Variants in KIAA0408 observed in about 807,000 individuals in gnomAD.
The protein encoded by KIAA0408 is uncharacterized protein KIAA0408.
A neutral mutation model predicts 60.9 loss-of-function variants in KIAA0408; 51 were observed. That is an observed-to-expected ratio of 0.84 (90% confidence interval 0.67 to 1.06). KIAA0408 has a LOEUF of 1.06. Among genes scored for constraint, KIAA0408 ranks in the 50% least tolerant of loss-of-function variants. The pLI is 0.00. For missense variants in KIAA0408, 787 were observed against 833.9 expected (o/e 0.94, Z 0.69); for synonymous variants, 304 against 282.4 (o/e 1.08, Z -0.77).
intron 1 of KIAA0408, among the ~76,000 whole-genome samples, chr6:127,458,953 TC>T (rs1397177766): frequency 6.6e-6 from 1 of 152,114 alleles, no homozygotes; most frequent in Admixed American, 6.6e-5. Flanking sequence ...AGTTGGGAAA[TC>T]CACCCTGAGC....
chr6:127,446,977 TTC>T lies in KIAA0408; in HGVS notation c.1340_1341del (p.Arg447AsnfsTer4). ...CAATTTCTATCTGTTCTAAATACAGTTCTGTTAAATTCATCAGTCTTTGCTGC... is the reference window on the plus strand; with the variant it reads ...CAATTTCTATCTGTTCTAAATACAGTTGTTAAATTCATCAGTCTTTGCTGC... ...KLAAKTDEFN[R>X]TVFRTDRNCQ... is the part of the protein sequence containing the mutation. On this transcript the variant is annotated frameshift_variant, in exon 5 of 6. Coordinates refer to ENST00000483725, the MANE Select transcript of KIAA0408 (RefSeq NM_014702.5). LOFTEE classifies it high-confidence loss of function. 2 of 1,614,028 alleles carry T rather than the reference TTC, an allele frequency of 1.2e-6. No individual in the cohort carries two copies. The highest frequency in any genetic ancestry group is 1.7e-6 in the Non-Finnish European group (2 of 1,179,996).
At chr6:127,448,364 G>C (rs1223663638) in intron 4 of KIAA0408, among the ~76,000 whole-genome samples, 1 of 152,146 alleles carries the variant, frequency 6.6e-6, no homozygotes, top group Non-Finnish European at 1.5e-5. Context: ...TGAGTACTTT[G>C]ATATGGATTA....
At chr6:127,458,161 C>T (rs1040499722) in intron 1 of KIAA0408, among the ~76,000 whole-genome samples, 2 of 152,134 alleles carry the variant, frequency 1.3e-5, no homozygotes, top group African/African-American at 4.8e-5. Context: ...AGGAATTCCC[C>T]AGCTTATAAC....
Position 127,438,699 on chromosome 6 carries a change from A to T in KIAA0408, c.*5410T>A, listed in dbSNP as rs184217345. On this transcript the variant is annotated 3_prime_UTR_variant, in exon 6 of 6. Transcript: ENST00000483725. ...TACTAAAGGCAATTGTAACACAATG[A>T]TATCTGTATATGTAAACATAGAAAA... The T allele has an allele frequency of 4.9e-4, 74 of 152,346 alleles. No homozygotes were observed. The highest frequency in any genetic ancestry group is 1.8e-3 in the African/African-American group (74 of 41,566). The allele number at this position is 152,346 out of a possible 1,614,324, so 9.4% of individuals were successfully genotyped here.
chr6:127,452,470 G>A (rs1304538420), intron 2 of KIAA0408, among the ~76,000 whole-genome samples: 1 of 152,108 alleles, frequency 6.6e-6, no homozygotes, highest in African/African-American at 2.4e-5. Flanking sequence ...GATGTTTAAA[G>A]CATATTTCAT....
In KIAA0408 at chr6:127,450,108, T is replaced by TTTTTTGTTGC; in HGVS notation, c.370_379dup (p.Lys127SerfsTer22). 1 of 1,614,132 alleles carries TTTTTTGTTGC rather than the reference T, an allele frequency of 6.2e-7. No homozygotes were observed. The highest frequency in any genetic ancestry group is 2.2e-5 in the East Asian group (1 of 44,882). On this transcript the variant is annotated frameshift_variant, in exon 3 of 6. Coordinates refer to ENST00000483725, the MANE Select transcript of KIAA0408 (RefSeq NM_014702.5). LOFTEE classifies it high-confidence loss of function. ...AGGATCCAAAAACCCTACTTTTGAT[T>TTTTTTGTTGC]TTTTTGTTGCTTTTTGTTCCTTACA...
intron 5 of KIAA0408, among the ~76,000 whole-genome samples, chr6:127,445,359 A>G (rs936279594): frequency 1.3e-5 from 2 of 152,190 alleles, no homozygotes; most frequent in African/African-American, 2.4e-5. Flanking sequence ...CTTTAGCTAT[A>G]GGACCTTGTG....
At position 127,441,724 on chromosome 6, in the gene KIAA0408, T is replaced by C. The variant is rs1443511310; in HGVS notation, c.*2385A>G. The C allele has an allele frequency of 6.6e-6, 1 of 152,214 alleles. No individual in the cohort carries two copies. The highest frequency in any genetic ancestry group is 2.4e-5 in the African/African-American group (1 of 41,454). 9.4% of individuals were successfully genotyped at this position (152,214 alleles called of 1,614,324 possible). On this transcript the variant is annotated 3_prime_UTR_variant, in exon 6 of 6. Transcript: ENST00000483725. Reference sequence around the variant, plus strand: ...CATCAAAAACTATTTTCAAGGATTATTTCCATTTACCTAATAGGTTTTTCC... The same window carrying C: ...CATCAAAAACTATTTTCAAGGATTACTTCCATTTACCTAATAGGTTTTTCC...
In KIAA0408 at chr6:127,446,443, C is replaced by A. The variant is rs940454879; in HGVS notation, c.1876G>T (p.Val626Leu). 1 of 1,612,510 alleles carries A rather than the reference C, an allele frequency of 6.2e-7. No homozygotes were observed. Among genetic ancestry groups the A allele is most frequent in the Non-Finnish European group, 8.5e-7 (1 of 1,178,666 alleles). ...TTTTTCGGATCTATTCCTTGCTTCACTTCCTGTCCCCCCCACACAGCTGTC... is the reference window on the plus strand; with the variant it reads ...TTTTTCGGATCTATTCCTTGCTTCAATTCCTGTCCCCCCCACACAGCTGTC... ...QKTAVWGGQE[V>L]KQGIDPKKIT... Residue 626 changes from valine to leucine, a missense_variant, in exon 5 of 6, where the codon GTG becomes TTG. By Grantham distance (32) the Val-to-Leu change is conservative. Around this residue, in one of 3 missense-constraint regions of KIAA0408, gnomAD observed 133 missense variants for 119.2 expected, o/e 1.12. Transcript: ENST00000483725.
At chr6:127,445,910 T>C (rs773401380) in intron 5 of KIAA0408, among the ~76,000 whole-genome samples, 17 of 152,162 alleles carry the variant, frequency 1.1e-4, no homozygotes, top group Non-Finnish European at 2.4e-4. Flanking sequence ...TTAGGCACTG[T>C]TTTAAATGAT....
intron 2 of KIAA0408, 168 bp from the exon 3 acceptor site, chr6:127,450,520 G>T (rs1773284492): frequency 8.7e-7 from 1 of 1,148,080 alleles, no homozygotes; most frequent in East Asian, 2.7e-5. Context: ...TGGATTAGCT[G>T]GAACAAGTTT....
intron 4 of KIAA0408, 27 bp from the exon 5 acceptor site, chr6:127,447,767 T>G: frequency 6.7e-7 from 1 of 1,484,036 alleles, no homozygotes; most frequent in Non-Finnish European, 8.9e-7. Flanking sequence ...CATGGTGTAT[T>G]GGTTATAACT....
chr6:127,447,021 G>A lies in KIAA0408; in HGVS notation c.1298C>T (p.Thr433Ile), dbSNP rs750015390. 1.9e-5 allele frequency: 31 copies of A among 1,613,416 alleles called. No individual in the cohort carries two copies. The highest frequency in any genetic ancestry group is 2.6e-5 in the Non-Finnish European group (31 of 1,179,842). Reference protein sequence around the residue: ...RNFSCGFERTTRNEKLAAKTD... With the variant: ...RNFSCGFERTIRNEKLAAKTD... ...CTTTGCTGCCAGCTTCTCATTCCTT[G>A]TAGTCCTTTCAAAGCCACAACTGAA... The change falls in exon 5 of 6, where the codon ACA becomes ATA. Residue 433 changes from threonine to isoleucine, a missense_variant. Physicochemically the swap from Thr to Ile is moderately conservative, Grantham distance 89. Transcript: ENST00000483725.
chr6:127,453,866 A>T lies in KIAA0408; in HGVS notation c.116T>A (p.Met39Lys). The T allele has an allele frequency of 6.2e-7, 1 of 1,612,644 alleles. No homozygotes were observed. Among genetic ancestry groups the T allele is most frequent in the South Asian group, 1.1e-5 (1 of 90,962 alleles). ...GTGTACCTCTTCTATTTTCTTCTGC[A>T]TAATCTTCCATTGACTTTCCCATTC... is the stretch of plus-strand genomic sequence containing the variant. ...RKEWESQWKI[M>K]QKKIEELCRE... is the part of the protein sequence containing the mutation. The change falls in exon 2 of 6, where the codon ATG becomes AAG. Residue 39 changes from methionine (M) to lysine (K), a missense_variant. This residue lies in a region of KIAA0408 where 640 missense variants were observed against 681.3 expected (regional missense o/e 0.94). Coordinates refer to ENST00000483725, the MANE Select transcript of KIAA0408 (RefSeq NM_014702.5).
rs1773058201 is a variant in KIAA0408 at position 127,438,668 on chromosome 6, A to G, written c.*5441T>C. On this transcript the variant is annotated 3_prime_UTR_variant, in exon 6 of 6. Transcript: ENST00000483725. ...ACAAACCTGTACAGCATGTTACTGT[A>G]CTGAATACTAAAGGCAATTGTAACA... 6.6e-6 allele frequency: 1 copy of G among 152,226 alleles called. No homozygotes were observed. Among genetic ancestry groups the G allele is most frequent in the Admixed American group, 6.5e-5 (1 of 15,284 alleles). 9.4% of individuals were successfully genotyped at this position (152,226 alleles called of 1,614,324 possible).
At chr6:127,457,762 C>T (rs1172926797) in intron 1 of KIAA0408, among the ~76,000 whole-genome samples, 1 of 152,156 alleles carries the variant, frequency 6.6e-6, no homozygotes, top group Non-Finnish European at 1.5e-5. Flanking sequence ...TTATTTTCAC[C>T]CCCAAATTAG....
rs1170980985 is a variant in KIAA0408, at chr6:127,443,768, A to T, written c.*341T>A. 9.8e-6 allele frequency: 2 copies of T among 204,720 alleles called. No homozygotes were observed. Among genetic ancestry groups the T allele is most frequent in the African/African-American group, 4.7e-5 (2 of 42,340 alleles). 12.7% of individuals were successfully genotyped at this position (204,720 alleles called of 1,614,324 possible). On this transcript the variant is annotated 3_prime_UTR_variant, in exon 6 of 6. Transcript: ENST00000483725. ...ACATAAGTTTTTCATATCTAAATACATACTAGGATACTTCCTATTTCAACA... is the reference window on the plus strand; with the variant it reads ...ACATAAGTTTTTCATATCTAAATACTTACTAGGATACTTCCTATTTCAACA...
At chr6:127,454,796 A>G (rs1414952680) in intron 1 of KIAA0408, among the ~76,000 whole-genome samples, 1 of 152,166 alleles carries the variant, frequency 6.6e-6, no homozygotes, top group African/African-American at 2.4e-5. Flanking sequence ...TATACCATAA[A>G]CTGCTTAGGA....
At chr6:127,449,801 T>A (rs540366939) in intron 4 of KIAA0408, 21 bp downstream of exon 4, 1 of 1,613,000 alleles carries the variant, frequency 6.2e-7, no homozygotes, top group Non-Finnish European at 8.5e-7. Context: ...CCATCTAAAA[T>A]AATCAGATGT....
Sources: gnomAD v4.1 joint callset for allele counts (sites outside exome capture counted in the v4.1 genomes callset) on GRCh38, gnomAD v4.1.1 for gene constraint, gnomAD v4.1.1 regional missense constraint, MANE v1.5 for transcripts, NCBI Gene and HGNC (gene_info 2026-07-23, HGNC 2026-07-21) for gene names.